The following RIT2 variants were observed in gnomAD, a reference collection of about 807,000 sequenced individuals.
The protein encoded by RIT2 is Ras like without CAAX 2.
In RIT2, 24 loss-of-function variants were observed where a neutral mutation model predicts 23.7. The ratio of observed to expected loss-of-function variants is 1.01; its 90% confidence interval spans 0.73 to 1.43. The LOEUF is 1.43. Among genes scored for constraint, RIT2 ranks in the 40% most tolerant of loss-of-function variants. The pLI is 0.00. For missense variants in RIT2, 236 were observed against 266.9 expected, an observed-to-expected ratio of 0.88 and a Z score of 0.81; for synonymous variants, 107 against 91.1, an observed-to-expected ratio of 1.17 and a Z score of -0.99.
chr18:42,787,994 GTTTAAAA>G (rs925308202), intron 4 of RIT2, among the ~76,000 whole-genome samples: 3 of 151,294 alleles, frequency 2.0e-5, no homozygotes, highest in African/African-American at 4.8e-5. Context: ...GTTAATAAAA[GTTTAAAA>G]TTTAAATTAT....
intron 4 of RIT2, among the ~76,000 whole-genome samples, chr18:42,776,106 G>A (rs1184483531): frequency 6.6e-6 from 1 of 152,156 alleles, no homozygotes; most frequent in Non-Finnish European, 1.5e-5. Flanking sequence ...TAGGAAAAGG[G>A]CATAAACACA....
chr18:42,943,676 G>T (rs1208342379), intron 3 of RIT2, among the ~76,000 whole-genome samples: 1 of 152,086 alleles, frequency 6.6e-6, no homozygotes, highest in East Asian at 1.9e-4. Flanking sequence ...CCCAGAAATA[G>T]GTCATAGGAA....
At chr18:42,900,747 G>A (rs939967746) in intron 4 of RIT2, among the ~76,000 whole-genome samples, 6 of 152,076 alleles carry the variant, frequency 3.9e-5, no homozygotes, top group Admixed American at 6.6e-5. Flanking sequence ...GTAGGCTGAG[G>A]CAGAAGGGCT....
chr18:43,111,077 A>G (rs1173711702), intron 1 of RIT2, among the ~76,000 whole-genome samples: 3 of 152,164 alleles, frequency 2.0e-5, no homozygotes, highest in African/African-American at 4.8e-5. Context: ...AATGAATAAA[A>G]TAAATGTGGT....
intron 3 of RIT2, among the ~76,000 whole-genome samples, chr18:42,944,768 T>C (rs1909688665): frequency 6.6e-6 from 1 of 152,150 alleles, no homozygotes; most frequent in South Asian, 2.1e-4. Flanking sequence ...TTTGGGGCTC[T>C]GTCCTGAAAC....
chr18:43,060,758 G>T (rs951759522), intron 1 of RIT2, among the ~76,000 whole-genome samples: 4 of 152,110 alleles, frequency 2.6e-5, no homozygotes, highest in Admixed American at 2.6e-4. Context: ...GATTTTCTCT[G>T]GTGTACATAG....
intron 4 of RIT2, among the ~76,000 whole-genome samples, chr18:42,911,997 G>A (rs908142015): frequency 6.6e-6 from 1 of 151,724 alleles, no homozygotes; most frequent in African/African-American, 2.4e-5. Context: ...AAAAAATGTA[G>A]ACCAATATAT....
intron 4 of RIT2, among the ~76,000 whole-genome samples, chr18:42,839,815 C>T (rs1428262638): frequency 7.9e-5 from 12 of 152,182 alleles, no homozygotes; most frequent in Non-Finnish European, 1.8e-4. Context: ...CAACCTTCAA[C>T]AACTTCCCCA....
At chr18:42,750,664 A>C (rs1198649145) in intron 4 of RIT2, among the ~76,000 whole-genome samples, 1 of 151,884 alleles carries the variant, frequency 6.6e-6, no homozygotes, top group Non-Finnish European at 1.5e-5. Flanking sequence ...TAACAAATAC[A>C]TTAAGAAAAA....
intron 2 of RIT2, among the ~76,000 whole-genome samples, chr18:43,013,494 T>C (rs1911400171): frequency 6.6e-6 from 1 of 151,772 alleles, no homozygotes; most frequent in Admixed American, 6.6e-5. Flanking sequence ...TATCCTAGTA[T>C]TTATAGATGA....
At chr18:42,914,991 G>A (rs1357282636) in intron 4 of RIT2, among the ~76,000 whole-genome samples, 2 of 79,768 alleles carry the variant, frequency 2.5e-5, no homozygotes, top group Admixed American at 1.7e-4. Context: ...CTAAGCATGT[G>A]GTTGAGTTAA....
chr18:42,905,735 A>C (rs911163228), intron 4 of RIT2, among the ~76,000 whole-genome samples: 3 of 151,876 alleles, frequency 2.0e-5, no homozygotes, highest in African/African-American at 7.3e-5. Context: ...GGCCTCCCAA[A>C]GTGCTGGGAT....
chr18:42,760,811 A>T (rs1045242811), intron 4 of RIT2, among the ~76,000 whole-genome samples: 4 of 152,218 alleles, frequency 2.6e-5, no homozygotes, highest in African/African-American at 9.6e-5. Flanking sequence ...TATTCATTTA[A>T]CGCATGGCTG....
intron 2 of RIT2, among the ~76,000 whole-genome samples, chr18:43,026,537 A>G (rs1183562683): frequency 6.8e-6 from 1 of 146,824 alleles, no homozygotes; most frequent in Non-Finnish European, 1.5e-5. Context: ...CTGGCAACAG[A>G]GTAAGACTCT....
At chr18:42,967,477 C>T (rs1307501234) in intron 3 of RIT2, among the ~76,000 whole-genome samples, 1 of 151,226 alleles carries the variant, frequency 6.6e-6, no homozygotes, top group Non-Finnish European at 1.5e-5. Context: ...TCATGCCATT[C>T]TCCTCCCTCA....
chr18:43,067,371 A>C (rs190808678), intron 1 of RIT2, among the ~76,000 whole-genome samples: 1 of 152,304 alleles, frequency 6.6e-6, no homozygotes, highest in Non-Finnish European at 1.5e-5. Context: ...GACACAGCCC[A>C]AAATGAGTGA....
intron 2 of RIT2, among the ~76,000 whole-genome samples, chr18:43,006,355 G>A (rs941418318): frequency 6.6e-6 from 1 of 151,322 alleles, no homozygotes; most frequent in African/African-American, 2.4e-5. Context: ...GAGGAAGAGG[G>A]GAAAGCAGCA....
intron 4 of RIT2, among the ~76,000 whole-genome samples, chr18:42,775,998 C>A (rs1180306313): frequency 6.6e-6 from 1 of 152,104 alleles, no homozygotes; most frequent in Admixed American, 6.6e-5. Flanking sequence ...GTGATGAGAT[C>A]ATGAGAAATG....
At chr18:42,962,761 G>C (rs1910121966) in intron 3 of RIT2, among the ~76,000 whole-genome samples, 1 of 152,168 alleles carries the variant, frequency 6.6e-6, no homozygotes, top group Non-Finnish European at 1.5e-5. Context: ...ATTTCTGTGA[G>C]TAGTCTCTGA....
Sources: allele counts gnomAD v4.1 joint callset (sites outside exome capture counted in the v4.1 genomes callset), GRCh38; gene constraint gnomAD v4.1.1; transcripts MANE v1.5; gene names NCBI Gene and HGNC (gene_info 2026-07-23, HGNC 2026-07-21).